The following ANAPC4 variants were observed in gnomAD, a reference collection of about 807,000 sequenced individuals.
ANAPC4 encodes the protein anaphase-promoting complex subunit 4.
Under a neutral mutation model 119.8 loss-of-function variants are expected in ANAPC4, and 63 were observed. That is an observed-to-expected ratio of 0.53 (90% confidence interval 0.43 to 0.65). The LOEUF (loss-of-function observed/expected upper bound fraction) is 0.65, where lower values mean the gene tolerates loss of function less well. ANAPC4 is among the 30% of genes least tolerant of loss of function. ANAPC4 has a pLI of 0.00. For missense variants in ANAPC4, 716 were observed against 945.1 expected (o/e 0.76, Z 3.18); for synonymous variants, 283 against 318.6 (o/e 0.89, Z 1.19).
rs918357582 is a variant in ANAPC4, at chr4:25,397,843, A to G, written c.1214+944A>G. ...AGTGTTTTTGGGTGTGGGCCTTTTA[A>G]TTCATTGTGCTATAATAAGCCATTT... On this transcript the variant is annotated intron_variant, in intron 16 of 28. Transcript: ENST00000315368. Among the ~76,000 whole-genome samples, 28 of 151,606 alleles carry G rather than the reference A, an allele frequency of 1.8e-4. 1 individual carries two copies. Among genetic ancestry groups the G allele is most frequent in the Admixed American group, 2.6e-4 (4 of 15,248 alleles).
intron 19 of ANAPC4, 51 bp downstream of exon 19, chr4:25,406,936 C>T: frequency 7.4e-7 from 1 of 1,352,772 alleles, no homozygotes. Flanking sequence ...TTACAGTAAA[C>T]CTGGATAATG....
chr4:25,409,300 A>G (rs1412028254), intron 20 of ANAPC4, among the ~76,000 whole-genome samples: 1 of 152,322 alleles, frequency 6.6e-6, no homozygotes, highest in Non-Finnish European at 1.5e-5. Flanking sequence ...AAGAAACACA[A>G]TTTAAGTTCG....
chr4:25,413,934 T>TAC (rs1723718741), intron 22 of ANAPC4, 192 bp downstream of exon 22: 1 of 470,876 alleles, frequency 2.1e-6, no homozygotes, highest in African/African-American at 2.6e-5. Context: ...TACACACGTG[T>TAC]GTGTGTGTGT....
chr4:25,407,180 T>C lies in ANAPC4; in HGVS notation c.1375-17T>C, dbSNP rs759940161. On this transcript the variant is annotated splice_polypyrimidine_tract_variant and intron_variant, in intron 19 of 28. Transcript: ENST00000315368. ...GTGAGTTGACTTAAGAATTAAACTA[T>C]GTTTATTTTTTTCCAGGCTCCAGAC... 1.3e-6 allele frequency: 2 copies of C among 1,581,676 alleles called. No homozygotes were observed.
At chr4:25,399,012 C>T (rs1722807214) in intron 16 of ANAPC4, among the ~76,000 whole-genome samples, 1 of 150,970 alleles carries the variant, frequency 6.6e-6, no homozygotes, top group Non-Finnish European at 1.5e-5. Flanking sequence ...AGTAATTTTA[C>T]ATAAAAATTA....
intron 4 of ANAPC4, among the ~76,000 whole-genome samples, chr4:25,385,353 TA>T (rs1356092351): frequency 5.9e-5 from 9 of 152,248 alleles, no homozygotes; most frequent in African/African-American, 1.7e-4. Flanking sequence ...CATCTTCCAA[TA>T]AAAGGCTGTT....
Position 25,377,569 on chromosome 4 carries a change from G to A in ANAPC4, c.129+13G>A. The A allele has an allele frequency of 6.3e-7, 1 of 1,596,254 alleles. No homozygotes were observed. ...CACAGCTGGCGAGGTGAGTGAGCCG[G>A]CGGGAGCCCGCCTGTGCTGGGTCTG... On this transcript the variant is annotated intron_variant, in intron 2 of 28. Transcript: ENST00000315368.
Position 25,377,268 on chromosome 4 carries a change from G to A in ANAPC4, c.-87G>A. ...CAGCGGCGGGGCGGGGCGGCCTGGA[G>A]GCTGTGGCGCGCGGCCGGCAGAGGG... On this transcript the variant is annotated 5_prime_UTR_variant, in exon 1 of 29. Coordinates refer to ENST00000315368, the MANE Select transcript of ANAPC4 (RefSeq NM_013367.3). 1.0e-6 allele frequency: 1 copy of A among 992,926 alleles called. No individual in the cohort carries two copies. Among genetic ancestry groups the A allele is most frequent in the Non-Finnish European group, 1.4e-6 (1 of 707,104 alleles). The allele number at this position is 992,926 out of a possible 1,614,324, so 61.5% of individuals were successfully genotyped here.
At chr4:25,378,333 T>A (rs1019513359) in intron 2 of ANAPC4, among the ~76,000 whole-genome samples, 8 of 152,220 alleles carry the variant, frequency 5.3e-5, no homozygotes, top group Non-Finnish European at 1.0e-4. Flanking sequence ...GAGCCAAATT[T>A]GGAAACTAGG....
At chr4:25,403,072 A>G (rs892190251) in intron 17 of ANAPC4, 46 bp downstream of exon 17, 3 of 1,378,638 alleles carry the variant, frequency 2.2e-6, no homozygotes, top group Non-Finnish European at 3.0e-6. Context: ...CTTTAAAAAA[A>G]TTATAGGAGT....
Position 25,415,489 on chromosome 4 carries a change from C to A in ANAPC4, c.1850C>A (p.Ala617Asp). The change falls in exon 26 of 29, where the codon GCT becomes GAT. Residue 617 changes from alanine (A) to aspartate (D), a missense_variant. Physicochemically the swap from Ala to Asp is moderately radical, Grantham distance 126. Coordinates refer to ENST00000315368, the MANE Select transcript of ANAPC4 (RefSeq NM_013367.3). ...AGATCTGTGAGTAATGGACTAATTG[C>A]TATTAAATTTGGGAGCTTTACATAT... ...ISQSVSNGLI[A>D]IKFGSFTYAT... 1 of 1,612,660 alleles carries A rather than the reference C, an allele frequency of 6.2e-7. No homozygotes were observed. The highest frequency in any genetic ancestry group is 8.5e-7 in the Non-Finnish European group (1 of 1,179,344).
At chr4:25,413,504 T>G in intron 21 of ANAPC4, 141 bp from the exon 22 acceptor site, 1 of 577,144 alleles carries the variant, frequency 1.7e-6, no homozygotes, top group Admixed American at 3.4e-5. Context: ...TGAGGTTGTG[T>G]GAAAATCCAA....
At chr4:25,413,501 G>T (rs898388866) in intron 21 of ANAPC4, 144 bp from the exon 22 acceptor site, 51 of 539,584 alleles carry the variant, frequency 9.5e-5, no homozygotes, top group Non-Finnish European at 1.1e-4. Flanking sequence ...TAATGAGGTT[G>T]TGTGAAAATC....
At chr4:25,394,540 T>C (rs1193467974) in intron 12 of ANAPC4, 131 bp from the exon 13 acceptor site, 19 of 1,087,620 alleles carry the variant, frequency 1.7e-5, no homozygotes, top group Non-Finnish European at 2.3e-5. Flanking sequence ...TGATGTTACA[T>C]GCGTAGAATT....
At chr4:25,400,988 A>G (rs1363318522) in intron 16 of ANAPC4, among the ~76,000 whole-genome samples, 2 of 152,122 alleles carry the variant, frequency 1.3e-5, no homozygotes, top group African/African-American at 2.4e-5. Flanking sequence ...GGAGGACAGG[A>G]TCATTAAACT....
chr4:25,417,822 A>C, intron 28 of ANAPC4, 83 bp downstream of exon 28: 5 of 1,505,982 alleles, frequency 3.3e-6, no homozygotes, highest in Non-Finnish European at 4.5e-6. Flanking sequence ...AATACATGAT[A>C]TATAAGGTCC....
rs748246714 is a variant in ANAPC4 at position 25,405,608 on chromosome 4, G to A, written c.1306G>A (p.Glu436Lys). ...LRMTEDHVLP[E>K]LNKMTQKDIT... is the part of the protein sequence containing the mutation. Reference sequence around the variant, plus strand: ...AATGACAGAAGACCATGTGCTTCCCGAGCTGAATAAGGTAGTATGTACTAG... The same window carrying A: ...AATGACAGAAGACCATGTGCTTCCCAAGCTGAATAAGGTAGTATGTACTAG... Residue 436 changes from glutamate (E) to lysine (K), a missense_variant, in exon 18 of 29, where the codon GAG becomes AAG. Physicochemically the swap from Glu to Lys is moderately conservative, Grantham distance 56. Coordinates refer to ENST00000315368, the MANE Select transcript of ANAPC4 (RefSeq NM_013367.3). This position sits in a 1 kb window ranked among gnomAD's most constrained non-coding sequence, Gnocchi z 4.6. The A allele has an allele frequency of 1.9e-6, 3 of 1,613,536 alleles. No individual in the cohort carries two copies. The highest frequency in any genetic ancestry group is 2.7e-5 in the African/African-American group (2 of 75,014).
chr4:25,390,094 GT>G (rs1178083170), intron 7 of ANAPC4, 41 bp from the exon 8 acceptor site: 1 of 1,319,858 alleles, frequency 7.6e-7, no homozygotes, highest in East Asian at 2.3e-5. Context: ...AATCATCTGT[GT>G]TGTTGATTGG....
chr4:25,389,331 T>C (rs1722213408), intron 7 of ANAPC4, among the ~76,000 whole-genome samples: 1 of 152,108 alleles, frequency 6.6e-6, no homozygotes, highest in Admixed American at 6.5e-5. Context: ...TCTAATTTTT[T>C]TATTTTTAGT....
Sources: gnomAD v4.1 joint callset for allele counts (sites outside exome capture counted in the v4.1 genomes callset) on GRCh38, gnomAD v4.1.1 for gene constraint, Gnocchi (gnomAD v3.1) non-coding constraint, MANE v1.5 for transcripts, NCBI Gene and HGNC (gene_info 2026-07-23, HGNC 2026-07-21) for gene names.